Variants in TTC3 observed in about 807,000 individuals in gnomAD.
TTC3 encodes the protein E3 ubiquitin-protein ligase TTC3.
TTC3 carries 180 observed loss-of-function variants against 249.6 expected under a neutral mutation model. The ratio of observed to expected loss-of-function variants is 0.72; its 90% CI spans 0.64 to 0.82. The LOEUF is 0.82. TTC3 is among the 40% of genes least tolerant of loss of function. TTC3 has a pLI of 0.00. For missense variants in TTC3, 2,061 were observed against 2,398.4 expected, an observed-to-expected ratio of 0.86 and a Z score of 2.94; for synonymous variants, 717 against 805.0, an observed-to-expected ratio of 0.89 and a Z score of 1.85.
chr21:37,106,570 A>G (rs574569288), intron 10 of TTC3, among the ~76,000 whole-genome samples: 1 of 152,198 alleles, frequency 6.6e-6, no homozygotes, highest in East Asian at 1.9e-4. Flanking sequence ...TGGTGTTTGT[A>G]TTTAGTGTGA....
intron 14 of TTC3, 34 bp downstream of exon 14, chr21:37,124,776 GGATA>G (rs771511653): frequency 7.5e-6 from 12 of 1,595,362 alleles, no homozygotes; most frequent in Non-Finnish European, 1.0e-5. Context: ...TTTTTTTCAA[GGATA>G]GATAGTCTCA....
chr21:37,179,620 T>C (rs2148139872), intron 35 of TTC3, among the ~76,000 whole-genome samples: 1 of 152,342 alleles, frequency 6.6e-6, no homozygotes, highest in East Asian at 1.9e-4. Flanking sequence ...GTAATTATCT[T>C]TTATGCATAT....
intron 21 of TTC3, among the ~76,000 whole-genome samples, chr21:37,145,588 T>TA (rs2078914894): frequency 6.6e-6 from 1 of 152,164 alleles, no homozygotes; most frequent in Non-Finnish European, 1.5e-5. Context: ...CAGTTAAACA[T>TA]AGAGTTACCA....
intron 34 of TTC3, among the ~76,000 whole-genome samples, chr21:37,171,514 T>A (rs1015792052): frequency 1.3e-5 from 2 of 152,214 alleles, no homozygotes; most frequent in African/African-American, 4.8e-5. Flanking sequence ...CCTGCCTGTC[T>A]CTGTTGGTAA....
chr21:37,189,271 A>T (rs898695635), intron 39 of TTC3, among the ~76,000 whole-genome samples: 1 of 152,144 alleles, frequency 6.6e-6, no homozygotes, highest in Admixed American at 6.6e-5. Context: ...TTTGCGACAG[A>T]GTCTCGCTCT....
At chr21:37,111,949 A>T (rs1304384442) in intron 11 of TTC3, among the ~76,000 whole-genome samples, 1 of 36,174 alleles carries the variant, frequency 2.8e-5, no homozygotes, top group Non-Finnish European at 6.2e-5. Flanking sequence ...CTGAATGACT[A>T]CTGGGTACTT....
At chr21:37,159,180 T>C (rs2148046803) in intron 28 of TTC3, among the ~76,000 whole-genome samples, 1 of 152,304 alleles carries the variant, frequency 6.6e-6, no homozygotes, top group Middle Eastern at 3.4e-3. Flanking sequence ...TTCACTCACG[T>C]AGTTCCCCCA....
At chr21:37,129,925 G>A (rs867140246) in intron 16 of TTC3, among the ~76,000 whole-genome samples, 17 of 152,194 alleles carry the variant, frequency 1.1e-4, no homozygotes, top group Admixed American at 1.1e-3. Flanking sequence ...GATTGCAGGC[G>A]TGTGCCTGGC....
chr21:37,147,499 G>A (rs1569051806), exon 22 of TTC3: 1 of 1,607,230 alleles, frequency 6.2e-7, no homozygotes, highest in Admixed American at 1.7e-5. Flanking sequence ...AGAGAAATTT[G>A]TTGAAGAATG....
chr21:37,187,410 T>C (rs2251952), intron 38 of TTC3, among the ~76,000 whole-genome samples: 64,700 of 152,040 alleles, frequency 0.43, 14,312 homozygotes, highest in South Asian at 0.55. Flanking sequence ...ACCATTATAA[T>C]TCAGCCATTT....
intron 1 of TTC3, among the ~76,000 whole-genome samples, chr21:37,079,276 A>G (rs1279339844): frequency 1.3e-5 from 2 of 152,094 alleles, no homozygotes; most frequent in African/African-American, 2.4e-5. Context: ...CTGACTTTAT[A>G]CCATGAGTTA....
chr21:37,143,764 A>G (rs2078717737), intron 20 of TTC3, among the ~76,000 whole-genome samples: 1 of 143,288 alleles, frequency 7.0e-6, no homozygotes, highest in Non-Finnish European at 1.5e-5. Flanking sequence ...AAGGATTATA[A>G]ATCATGCTGC....
intron 25 of TTC3, among the ~76,000 whole-genome samples, chr21:37,151,246 T>C (rs2079437048): frequency 6.6e-6 from 1 of 152,122 alleles, no homozygotes; most frequent in African/African-American, 2.4e-5. Flanking sequence ...TTTCTTTTTA[T>C]CTCTCTTCAG....
chr21:37,167,608 T>C (rs2081363897), exon 34 of TTC3: 3 of 1,610,404 alleles, frequency 1.9e-6, no homozygotes, highest in Non-Finnish European at 2.5e-6. Context: ...ATAATCCTTT[T>C]GAGGAACGAC....
intron 11 of TTC3, among the ~76,000 whole-genome samples, chr21:37,118,642 C>G (rs1468365308): frequency 6.6e-6 from 1 of 152,140 alleles, no homozygotes; most frequent in African/African-American, 2.4e-5. Context: ...ACTGAGAAGT[C>G]TAGGGGTTAG....
intron 11 of TTC3, among the ~76,000 whole-genome samples, chr21:37,115,902 C>T (rs531281030): frequency 1.3e-5 from 2 of 152,340 alleles, no homozygotes; most frequent in African/African-American, 4.8e-5. Context: ...TGAAACATTC[C>T]TTGGCCTCAT....
chr21:37,142,423 G>C (rs1338038685), intron 20 of TTC3, among the ~76,000 whole-genome samples: 4 of 152,132 alleles, frequency 2.6e-5, no homozygotes, highest in Non-Finnish European at 5.9e-5. Context: ...CAAAATCAAT[G>C]TGCAAAAATC....
In TTC3 at chr21:37,156,101, G is replaced by A. The variant is rs1415251135; in HGVS notation, c.2741-554G>A. On this transcript the variant is annotated intron_variant, in intron 27 of 45. Coordinates refer to ENST00000355666, the Ensembl canonical transcript of TTC3. Reference sequence around the variant, plus strand: ...ACCCAGGCTGGAGTGCAGTGGCGCCGTCATAGCTCACTGTAGCTTTGAAGT... The same window carrying A: ...ACCCAGGCTGGAGTGCAGTGGCGCCATCATAGCTCACTGTAGCTTTGAAGT... 4.0e-5 allele frequency among the ~76,000 whole-genome samples: 6 copies of A among 151,360 alleles called. No homozygotes were observed. The South Asian group carries it at 6.3e-4, about 16-fold the overall frequency.
chr21:37,153,596 A>C (rs1450065524), intron 27 of TTC3, among the ~76,000 whole-genome samples: 2 of 152,208 alleles, frequency 1.3e-5, no homozygotes, highest in Non-Finnish European at 2.9e-5. Flanking sequence ...CACAATTTTT[A>C]GGTTATTTTA....
Sources: allele counts gnomAD v4.1 joint callset (sites outside exome capture counted in the v4.1 genomes callset), GRCh38; gene constraint gnomAD v4.1.1; transcripts MANE v1.5; gene names NCBI Gene and HGNC (gene_info 2026-07-23, HGNC 2026-07-21).